Variants in IQCB1 observed in about 807,000 individuals in gnomAD.
IQCB1 encodes IQ motif containing B1, also known as IQ calmodulin-binding motif-containing protein 1.
A neutral mutation model predicts 84.4 loss-of-function variants in IQCB1; 56 were observed. The observed-to-expected ratio is 0.66, with a 90% CI of 0.54 to 0.83. The LOEUF is 0.83. Ranked by LOEUF, IQCB1 falls within the 40% of genes least tolerant of loss-of-function variation. The probability of loss-of-function intolerance (pLI) is 0.00; values close to 1 mark genes in which losing one functional copy is unlikely to be tolerated. For synonymous variants in IQCB1, 210 were observed against 234.8 expected, an observed-to-expected ratio of 0.89 and a Z score of 0.96; for missense variants, 629 against 682.1, an observed-to-expected ratio of 0.92 and a Z score of 0.87.
chr3:121,817,565 A>G (rs1466052553), intron 5 of IQCB1, among the ~76,000 whole-genome samples: 1 of 152,168 alleles, frequency 6.6e-6, no homozygotes, highest in Non-Finnish European at 1.5e-5. Context: ...AACTAAAAAT[A>G]CATCTATTTT....
intron 12 of IQCB1, among the ~76,000 whole-genome samples, chr3:121,786,007 GA>G (rs11308989): frequency 0.63 from 86,381 of 136,608 alleles, 27,317 homozygotes; most frequent in African/African-American, 0.7. Flanking sequence ...AGTCTCTACT[GA>G]AAAAAAAAAA....
intron 5 of IQCB1, among the ~76,000 whole-genome samples, chr3:121,818,934 C>T (rs1011100052): frequency 2.6e-5 from 4 of 152,046 alleles, no homozygotes; most frequent in Non-Finnish European, 4.4e-5. Flanking sequence ...CTTTTAAAAG[C>T]GCCTTTCAAT....
chr3:121,772,889 G>C (rs1948060743), intron 13 of IQCB1, among the ~76,000 whole-genome samples, 176 bp from the exon 14 acceptor site: 1 of 152,206 alleles, frequency 6.6e-6, no homozygotes, highest in African/African-American at 2.4e-5. Context: ...AAAAGTTTTA[G>C]ATAAAAATAA....
intron 5 of IQCB1, among the ~76,000 whole-genome samples, chr3:121,811,911 A>G (rs1949846156): frequency 6.6e-6 from 1 of 152,174 alleles, no homozygotes; most frequent in East Asian, 1.9e-4. Flanking sequence ...AGCACAGTTG[A>G]TATACTGAAT....
At chr3:121,833,974 A>AT (rs1196386540) in intron 2 of IQCB1, 1 of 152,162 alleles carries the variant, frequency 6.6e-6, no homozygotes, top group Non-Finnish European at 1.5e-5. Flanking sequence ...AGATACTATT[A>AT]TTTTTTTCCC....
chr3:121,815,060 C>A (rs1949994490), intron 5 of IQCB1, among the ~76,000 whole-genome samples: 1 of 152,186 alleles, frequency 6.6e-6, no homozygotes, highest in South Asian at 2.1e-4. Flanking sequence ...AACTTATCAA[C>A]TATGATTAAG....
Position 121,828,454 on chromosome 3 carries a change from T to A in IQCB1, c.263+16A>T, listed in dbSNP as rs1467015488. ...CTACATCCCTCAAGAACAGCTGACT[T>A]ACTGCTTTATTTTACCTTAATATCT... On this transcript the variant is annotated intron_variant, in intron 4 of 14. Coordinates refer to ENST00000310864, the MANE Select transcript of IQCB1 (RefSeq NM_001023570.4). The A allele has an allele frequency of 6.2e-7, 1 of 1,605,226 alleles. No homozygotes were observed.
intron 7 of IQCB1, among the ~76,000 whole-genome samples, chr3:121,800,889 A>G (rs1440206009): frequency 6.6e-6 from 1 of 151,854 alleles, no homozygotes; most frequent in African/African-American, 2.4e-5. Context: ...CTATTTCACT[A>G]TACTATCCTT....
chr3:121,799,811 A>G (rs1258892765), intron 7 of IQCB1, among the ~76,000 whole-genome samples: 5 of 151,922 alleles, frequency 3.3e-5, no homozygotes, highest in East Asian at 1.9e-4. Context: ...TTAATATAGG[A>G]GAAACTTAAA....
chr3:121,829,179 C>T (rs1233888550), intron 2 of IQCB1, among the ~76,000 whole-genome samples: 31 of 152,184 alleles, frequency 2.0e-4, no homozygotes, highest in Admixed American at 1.9e-3. Flanking sequence ...CTATACCTCA[C>T]ATGTAACAGC....
At chr3:121,818,648 G>C (rs1950163237) in intron 5 of IQCB1, among the ~76,000 whole-genome samples, 1 of 152,126 alleles carries the variant, frequency 6.6e-6, no homozygotes, top group Non-Finnish European at 1.5e-5. Context: ...GAGACTGATT[G>C]ATAATTGATA....
intron 13 of IQCB1, among the ~76,000 whole-genome samples, chr3:121,779,089 A>C (rs566386866): frequency 6.6e-6 from 1 of 151,278 alleles, no homozygotes; most frequent in African/African-American, 2.4e-5. Context: ...ATATATAAAA[A>C]TTTTTTTTTG....
At chr3:121,782,547 T>C (rs1460587554) in intron 12 of IQCB1, among the ~76,000 whole-genome samples, 1 of 152,194 alleles carries the variant, frequency 6.6e-6, no homozygotes, top group African/African-American at 2.4e-5. Context: ...TTTTTGTTTT[T>C]TTTGTTTTGT....
chr3:121,775,081 A>G (rs1948168369), intron 13 of IQCB1, among the ~76,000 whole-genome samples: 1 of 152,296 alleles, frequency 6.6e-6, no homozygotes, highest in Non-Finnish European at 1.5e-5. Flanking sequence ...TCCTCTCTAC[A>G]GAGCTTAGGA....
At chr3:121,804,104 G>C (rs1024714130) in intron 7 of IQCB1, among the ~76,000 whole-genome samples, 1 of 151,342 alleles carries the variant, frequency 6.6e-6, no homozygotes, top group Non-Finnish European at 1.5e-5. Context: ...TCACTGCTTT[G>C]AGGTTCAAAG....
At position 121,781,852 on chromosome 3, in the gene IQCB1, C is replaced by T. The variant is rs17849995; in HGVS notation, c.1301G>A (p.Cys434Tyr). The T allele has an allele frequency of 0.26, 412,615 of 1,612,350 alleles. 57,176 individuals carry two copies. The highest frequency in any genetic ancestry group is 0.52 in the Admixed American group (31,425 of 59,938). ...QRAALKFLAK[C>Y]RKKKKLFAPW... ...AGCAAATAGTTTCTTTTTCTTACGG[C>T]ACTTCGCTAGGAATTTAAGCGCCTG... The change falls in exon 13 of 15, where the codon TGC becomes TAC. Residue 434 changes from cysteine (C) to tyrosine (Y), a missense_variant. Transcript: ENST00000310864.
intron 13 of IQCB1, among the ~76,000 whole-genome samples, chr3:121,779,336 C>T (rs964004060): frequency 1.3e-5 from 2 of 151,956 alleles, no homozygotes; most frequent in African/African-American, 2.4e-5. Flanking sequence ...CTCTTTTTTC[C>T]CCTCTCTGTG....
chr3:121,808,904 C>T lies in IQCB1; in HGVS notation c.487+12G>A. 6.5e-7 allele frequency: 1 copy of T among 1,533,784 alleles called. No homozygotes were observed. Among genetic ancestry groups the T allele is most frequent in the Non-Finnish European group, 9.0e-7 (1 of 1,107,518 alleles). ...CAATAGCTATTAGTTACATTAAAAT[C>T]TTTTCTCTTACCATTCTGAATAAGT... On this transcript the variant is annotated intron_variant, in intron 6 of 14. Transcript: ENST00000310864.
intron 7 of IQCB1, among the ~76,000 whole-genome samples, chr3:121,803,548 A>C (rs1949490942): frequency 6.6e-6 from 1 of 152,148 alleles, no homozygotes; most frequent in African/African-American, 2.4e-5. Flanking sequence ...TTATTCTATT[A>C]AATATCAAAA....
Sources: gnomAD v4.1 joint callset for allele counts (sites outside exome capture counted in the v4.1 genomes callset) on GRCh38, gnomAD v4.1.1 for gene constraint, MANE v1.5 for transcripts, NCBI Gene and HGNC (gene_info 2026-07-23, HGNC 2026-07-21) for gene names.